The following GLIS1 variants were observed in gnomAD, a reference collection of about 807,000 sequenced individuals.
The protein encoded by GLIS1 is GLIS family zinc finger 1, also known as zinc finger protein GLIS1.
A neutral mutation model predicts 63.8 loss-of-function variants in GLIS1; 24 were observed. The observed-to-expected ratio is 0.38, with a 90% CI of 0.27 to 0.53. GLIS1 has a LOEUF of 0.53. Among genes scored for constraint, GLIS1 ranks in the 20% least tolerant of loss-of-function variants. The probability of loss-of-function intolerance (pLI) is 0.85; values close to 1 mark genes in which losing one functional copy is unlikely to be tolerated. For synonymous variants in GLIS1, 450 were observed against 482.5 expected (o/e 0.93, Z 0.88); for missense variants, 1,036 against 1,074.1 (o/e 0.96, Z 0.50).
intron 4 of GLIS1, among the ~76,000 whole-genome samples, chr1:53,584,741 T>C (rs1057454646): frequency 6.6e-6 from 1 of 152,150 alleles, no homozygotes; most frequent in Non-Finnish European, 1.5e-5. Flanking sequence ...GTGTCCAAGG[T>C]GACCGAGACC....
chr1:53,637,300 G>A (rs987480683), intron 2 of GLIS1, among the ~76,000 whole-genome samples: 1 of 152,178 alleles, frequency 6.6e-6, no homozygotes, highest in African/African-American at 2.4e-5. Flanking sequence ...CTAAACTGAG[G>A]AATAAATGAC....
intron 2 of GLIS1, among the ~76,000 whole-genome samples, chr1:53,709,154 T>C (rs1052414702): frequency 6.6e-6 from 1 of 152,116 alleles, no homozygotes; most frequent in Non-Finnish European, 1.5e-5. Flanking sequence ...CCCTGTCCTA[T>C]GCTTCTGTGT....
chr1:53,691,167 G>A (rs1385158930), intron 2 of GLIS1, among the ~76,000 whole-genome samples: 3 of 152,116 alleles, frequency 2.0e-5, no homozygotes, highest in Non-Finnish European at 4.4e-5. Context: ...ACCAGCCTGG[G>A]CAACCCAGCA....
chr1:53,568,436 C>T (rs1644954771), intron 4 of GLIS1, among the ~76,000 whole-genome samples: 1 of 152,094 alleles, frequency 6.6e-6, no homozygotes, highest in African/African-American at 2.4e-5. Context: ...TGGACTCAGA[C>T]TTTTGAGTTA....
intron 7 of GLIS1, among the ~76,000 whole-genome samples, chr1:53,519,461 G>C (rs1026149387): frequency 2.0e-5 from 3 of 152,238 alleles, no homozygotes; most frequent in African/African-American, 7.2e-5. Context: ...TGTTGAAAAT[G>C]GTTGGAGTAA....
intron 4 of GLIS1, among the ~76,000 whole-genome samples, chr1:53,542,741 G>T (rs927029298): frequency 6.6e-6 from 1 of 152,198 alleles, no homozygotes; most frequent in African/African-American, 2.4e-5. Flanking sequence ...CTGGGGCTAC[G>T]CCCTGGGGGT....
intron 2 of GLIS1, among the ~76,000 whole-genome samples, chr1:53,624,569 C>T (rs2948058): frequency 0.64 from 96,712 of 150,988 alleles, 32,935 homozygotes; most frequent in Middle Eastern, 0.8. Context: ...GAGACGGAGT[C>T]TCCTTCTATC....
intron 2 of GLIS1, among the ~76,000 whole-genome samples, chr1:53,687,928 G>A (rs1646357410): frequency 6.6e-6 from 1 of 152,176 alleles, no homozygotes; most frequent in African/African-American, 2.4e-5. Context: ...CATAGATGAG[G>A]AAGAGTCCTA....
intron 4 of GLIS1, among the ~76,000 whole-genome samples, chr1:53,533,056 C>A (rs1159466966): frequency 6.6e-6 from 1 of 152,262 alleles, no homozygotes; most frequent in Admixed American, 6.5e-5. Context: ...GTCCTGAATT[C>A]TGTTAGGAAT....
Position 53,600,241 on chromosome 1 carries a change from C to T in GLIS1, c.297G>A (p.Glu99=). Residue 99 remains glutamate (E), a synonymous_variant, in exon 3 of 11, where the codon GAG becomes GAA. Coordinates refer to ENST00000628545, the MANE Select transcript of GLIS1 (RefSeq NM_001367484.1). ...CAAGGTCCAGGTCCAGCAGGCTCTT[C>T]TCTGAGCCCGGGGTACGGTGTCCGT... ...GSYGHRTPGS[E]KSLLDLDLAE... 1 of 1,232,132 alleles carries T rather than the reference C, an allele frequency of 8.1e-7. No individual in the cohort carries two copies. Among genetic ancestry groups the T allele is most frequent in the African/African-American group, 1.5e-5 (1 of 64,520 alleles). 76.3% of individuals were successfully genotyped at this position (1,232,132 alleles called of 1,614,324 possible). A position where few individuals can be genotyped will look rare whatever the true frequency, so the allele number is the denominator to read the frequency against.
intron 4 of GLIS1, among the ~76,000 whole-genome samples, chr1:53,584,531 A>G (rs1257353284): frequency 2.0e-5 from 3 of 152,192 alleles, no homozygotes. Context: ...ATTTGCCACC[A>G]GACCATTCTT....
rs1645765612 is a variant in GLIS1 at position 53,639,724 on chromosome 1, C to T, written c.260-39446G>A. On this transcript the variant is annotated intron_variant, in intron 2 of 10. Coordinates refer to ENST00000628545, the MANE Select transcript of GLIS1 (RefSeq NM_001367484.1). This position sits in a 1 kb window ranked among gnomAD's most constrained non-coding sequence, Gnocchi z 4.6. ...CAGTGAATATTTATAAACCTCCAGG[C>T]TTGGGAAGCCAGTCTCAAGGACCAG... is the stretch of plus-strand genomic sequence containing the variant. 6.6e-6 allele frequency among the ~76,000 whole-genome samples: 1 copy of T among 152,160 alleles called. No homozygotes were observed. Among genetic ancestry groups the T allele is most frequent in the Non-Finnish European group, 1.5e-5 (1 of 68,036 alleles).
At chr1:53,727,662 A>G (rs755110598) in intron 2 of GLIS1, among the ~76,000 whole-genome samples, 3 of 152,196 alleles carry the variant, frequency 2.0e-5, no homozygotes, top group Non-Finnish European at 4.4e-5. Context: ...CTGGCCTGGC[A>G]GCTCCAAAGG....
chr1:53,626,013 C>T (rs1645589996), intron 2 of GLIS1, among the ~76,000 whole-genome samples: 1 of 152,338 alleles, frequency 6.6e-6, no homozygotes, highest in Non-Finnish European at 1.5e-5. Context: ...GTTGGGAAGG[C>T]ACCCACTTGC....
At position 53,669,213 on chromosome 1, in the gene GLIS1, C is replaced by G. The variant is rs780428028; in HGVS notation, c.259+68593G>C. On this transcript the variant is annotated intron_variant, in intron 2 of 10. Transcript: ENST00000628545. ...CCTGGCCCTGGGCTCATCCTCCCCC[C>G]ACCTAGAGGAGTTTCCAGGTGAGAG... Among the ~76,000 whole-genome samples the G allele has an allele frequency of 2.0e-5, 3 of 152,154 alleles. No individual in the cohort carries two copies. The South Asian group carries it at 6.2e-4, about 32-fold the overall frequency.
intron 2 of GLIS1, among the ~76,000 whole-genome samples, chr1:53,602,830 A>C (rs192733848): frequency 2.6e-5 from 4 of 152,380 alleles, no homozygotes; most frequent in Non-Finnish European, 5.9e-5. Flanking sequence ...AGACCCCTAA[A>C]TAAGTGTCCC....
intron 2 of GLIS1, chr1:53,734,146 A>G (rs1267191319): frequency 3.1e-6 from 3 of 983,410 alleles, no homozygotes; most frequent in Non-Finnish European, 3.6e-6. Context: ...CGGGGTTCAC[A>G]TTTGTCGTGA....
chr1:53,654,228 G>C (rs1483507678), intron 2 of GLIS1, among the ~76,000 whole-genome samples: 1 of 152,044 alleles, frequency 6.6e-6, no homozygotes. Flanking sequence ...CTAGGTACTT[G>C]GGACAGAGCA....
At chr1:53,508,857 G>A (rs1055501492) in intron 10 of GLIS1, among the ~76,000 whole-genome samples, 36 of 152,216 alleles carry the variant, frequency 2.4e-4, no homozygotes, top group Non-Finnish European at 7.3e-5. Flanking sequence ...CTCCCAGTCC[G>A]ATTCTTCAGA....
Sources: allele counts gnomAD v4.1 joint callset (sites outside exome capture counted in the v4.1 genomes callset), GRCh38; gene constraint gnomAD v4.1.1; non-coding constraint Gnocchi (gnomAD v3.1); transcripts MANE v1.5; gene names NCBI Gene and HGNC (gene_info 2026-07-23, HGNC 2026-07-21).